TNRC6A: variants seen among roughly 807,000 people sequenced by gnomAD.
The protein encoded by TNRC6A is trinucleotide repeat containing adaptor 6A.
In TNRC6A, 44 loss-of-function variants were observed where a neutral mutation model predicts 221.2. The ratio of observed to expected loss-of-function variants is 0.20; its 90% CI spans 0.16 to 0.26. The LOEUF (loss-of-function observed/expected upper bound fraction) is 0.26, where lower values mean the gene tolerates loss of function less well. Ranked by LOEUF, TNRC6A falls within the 10% of genes least tolerant of loss-of-function variation. TNRC6A has a pLI of 1.00. For synonymous variants in TNRC6A, 847 were observed against 838.5 expected (o/e 1.01, Z -0.18); for missense variants, 2,199 against 2,404.4 (o/e 0.91, Z 1.79).
rs1275739541 is a variant in TNRC6A, at chr16:24,820,227, A to G, written c.5169A>G (p.Pro1723=). The change falls in exon 22 of 25, where the codon CCA becomes CCG. Residue 1723 remains proline, a synonymous_variant. Coordinates refer to ENST00000395799, the MANE Select transcript of TNRC6A (RefSeq NM_014494.4). ...ATGAGCTGTGGAAGGTCCCTTTGCC[A>G]CCTAAAAACATCACTGCTCCGTCCC... The part of the protein sequence containing the change: ...LAHELWKVPL[P]PKNITAPSRP... 1.2e-6 allele frequency: 2 copies of G among 1,614,036 alleles called. No individual in the cohort carries two copies. Among genetic ancestry groups the G allele is most frequent in the East Asian group, 2.2e-5 (1 of 44,868 alleles).
At chr16:24,725,455 T>C (rs1451671991), upstream of TNRC6A, among the ~76,000 whole-genome samples, 2 of 151,990 alleles carry the variant, frequency 1.3e-5, no homozygotes, top group Non-Finnish European at 2.9e-5. Context: ...AAATACAATA[T>C]GAAGCCTGTT....
In TNRC6A at chr16:24,823,081, C is replaced by G; in HGVS notation, c.5513+68C>G. 3 of 1,602,288 alleles carry G rather than the reference C, an allele frequency of 1.9e-6. No individual in the cohort carries two copies. Among genetic ancestry groups the G allele is most frequent in the South Asian group, 1.1e-5 (1 of 89,512 alleles). The stretch of plus-strand genomic sequence containing the variant: ...AGGAGTGTGAGAGCACAGCCTGACC[C>G]GGGGCAGTGCACAGGGTCCTGCGTG... On this transcript the variant is annotated intron_variant, in intron 24 of 24. Transcript: ENST00000395799. The surrounding 1 kb of genome is among the most constrained non-coding windows in gnomAD (Gnocchi z 4.3).
intron 2 of TNRC6A, among the ~76,000 whole-genome samples, chr16:24,643,570 C>T (rs1024761853): frequency 7.2e-5 from 11 of 152,124 alleles, no homozygotes; most frequent in Non-Finnish European, 1.3e-4. Context: ...TCCAGCCGTA[C>T]TGCTTATTCT....
intron 1 of TNRC6A, among the ~76,000 whole-genome samples, chr16:24,634,360 G>A (rs952516168): frequency 2.6e-5 from 4 of 151,908 alleles, no homozygotes; most frequent in Admixed American, 1.3e-4. Flanking sequence ...AGCCCAGGAG[G>A]CAGAGGTTGC....
chr16:24,691,240 CAG>C (rs2055750042), intron 2 of TNRC6A, among the ~76,000 whole-genome samples: 1 of 152,012 alleles, frequency 6.6e-6, no homozygotes, highest in Non-Finnish European at 1.5e-5. Context: ...TTTTTAGAAA[CAG>C]AGTCTTCCTC....
At chr16:24,813,380 C>G (rs2058589218) in intron 18 of TNRC6A, among the ~76,000 whole-genome samples, 1 of 152,162 alleles carries the variant, frequency 6.6e-6, no homozygotes, top group South Asian at 2.1e-4. Flanking sequence ...TTAATAATTT[C>G]CATCTTTGGG....
intron 20 of TNRC6A, 71 bp downstream of exon 20, chr16:24,817,027 A>G: frequency 6.7e-7 from 1 of 1,481,998 alleles, no homozygotes; most frequent in South Asian, 1.5e-5. Context: ...TGTAGTACCC[A>G]GCTACTCTGG....
At chr16:24,617,388 G>T (rs1335392469) in intron 1 of TNRC6A, among the ~76,000 whole-genome samples, 2 of 152,122 alleles carry the variant, frequency 1.3e-5, no homozygotes, top group African/African-American at 2.4e-5. Flanking sequence ...CTCCCAAAGT[G>T]CTGGGGTTAC....
chr16:24,669,941 C>CTTTTTTTTTTTTT (rs535737725), intron 2 of TNRC6A, among the ~76,000 whole-genome samples: 429 of 27,178 alleles, frequency 0.016, 145 homozygotes, highest in Middle Eastern at 0.05. Context: ...GAGGCAGCTA[C>CTTTTTTTTTTTTT]TTTTTTTTTT....
intron 2 of TNRC6A, among the ~76,000 whole-genome samples, chr16:24,657,562 A>T (rs1358478179): frequency 6.6e-6 from 1 of 152,026 alleles, no homozygotes; most frequent in African/African-American, 2.4e-5. Context: ...TACAAAAAGT[A>T]ACCAGCCATG....
chr16:24,623,299 C>T (rs1172024357), intron 1 of TNRC6A, among the ~76,000 whole-genome samples: 1 of 151,998 alleles, frequency 6.6e-6, no homozygotes, highest in Non-Finnish European at 1.5e-5. Context: ...CCCGGGCTCA[C>T]GCCATTCTCC....
chr16:24,643,365 C>A (rs897795696), intron 2 of TNRC6A, among the ~76,000 whole-genome samples: 59 of 151,688 alleles, frequency 3.9e-4, no homozygotes, highest in Admixed American at 1.9e-3. Flanking sequence ...GTATTCATTC[C>A]AAAACTCAGA....
At chr16:24,612,592 CAA>C (rs113914907) in intron 1 of TNRC6A, among the ~76,000 whole-genome samples, 54 of 125,718 alleles carry the variant, frequency 4.3e-4, no homozygotes, top group African/African-American at 1.3e-3. Flanking sequence ...ACAAAAAATA[CAA>C]AAAAAAAAAA....
intron 2 of TNRC6A, among the ~76,000 whole-genome samples, chr16:24,689,299 A>G (rs1396144544): frequency 6.6e-6 from 1 of 152,220 alleles, no homozygotes. Context: ...ATCACAGCCA[A>G]CGCTTTAGGA....
intron 2 of TNRC6A, among the ~76,000 whole-genome samples, chr16:24,694,272 C>T (rs555177410): frequency 7.2e-5 from 11 of 152,116 alleles, no homozygotes; most frequent in African/African-American, 1.4e-4. Flanking sequence ...CCCCCGTCTC[C>T]GACCTCAGCA....
rs762542071 is a variant in TNRC6A, at chr16:24,805,083, G to T, written c.4054G>T (p.Ala1352Ser). 1 of 1,614,192 alleles carries T rather than the reference G, an allele frequency of 6.2e-7. No individual in the cohort carries two copies. Among genetic ancestry groups the T allele is most frequent in the Non-Finnish European group, 8.5e-7 (1 of 1,180,046 alleles). The change falls in exon 14 of 25, where the codon GCA (alanine) becomes TCA (serine). Residue 1352 changes from alanine (A) to serine (S), a missense_variant. Coordinates refer to ENST00000395799, the MANE Select transcript of TNRC6A (RefSeq NM_014494.4). Reference protein sequence around the residue: ...AQPRGMQQPPAQPLSSSQPNL... With the variant: ...AQPRGMQQPPSQPLSSSQPNL... ...ACCCCGGGGCATGCAGCAGCCTCCAGCACAACCTCTTAGTTCATCTCAGCC... is the reference window on the plus strand; with the variant it reads ...ACCCCGGGGCATGCAGCAGCCTCCATCACAACCTCTTAGTTCATCTCAGCC...
rs927582058 is a variant in TNRC6A, at chr16:24,673,431, G to T, written n.402+32422G>T. 2.0e-5 allele frequency among the ~76,000 whole-genome samples: 3 copies of T among 152,318 alleles called. No homozygotes were observed. In the East Asian group the frequency reaches 5.8e-4, roughly 29 times the overall value. On this transcript the variant is annotated intron_variant and non_coding_transcript_variant, in intron 2 of 2. Coordinates refer to the TNRC6A transcript ENST00000566108. ...GACAGGGCTTCGCTCACCGAGGGAT[G>T]CCTGTAGGTCCACTTTGCAAGGGGC...
At chr16:24,660,295 G>C (rs1229770584) in intron 2 of TNRC6A, among the ~76,000 whole-genome samples, 1 of 151,932 alleles carries the variant, frequency 6.6e-6, no homozygotes, top group East Asian at 1.9e-4. Context: ...CATCCTCATA[G>C]CTTAGCTCCC....
At chr16:24,771,032 C>T (rs8050047) in intron 4 of TNRC6A, among the ~76,000 whole-genome samples, 2,116 of 152,268 alleles carry the variant, frequency 0.014, 62 homozygotes, top group East Asian at 0.12. Flanking sequence ...GATGCAGGCG[C>T]ATATGTGATA....
Sources: gnomAD v4.1 joint callset for allele counts (sites outside exome capture counted in the v4.1 genomes callset) on GRCh38, gnomAD v4.1.1 for gene constraint, Gnocchi (gnomAD v3.1) non-coding constraint, MANE v1.5 for transcripts, NCBI Gene and HGNC (gene_info 2026-07-23, HGNC 2026-07-21) for gene names.